Variants in TRIO observed in about 807,000 individuals in gnomAD.
TRIO encodes the protein trio Rho guanine nucleotide exchange factor.
In TRIO, 58 loss-of-function variants were observed where a neutral mutation model predicts 351.9. That is an observed-to-expected ratio of 0.16 (90% confidence interval 0.13 to 0.21). The LOEUF is 0.21. TRIO is among the 10% of genes least tolerant of loss of function. TRIO has a pLI of 1.00. For synonymous variants in TRIO, 1,758 were observed against 1,595.7 expected (o/e 1.10, Z -2.42); for missense variants, 3,201 against 4,027.8 (o/e 0.79, Z 5.56).
At chr5:14,265,751 T>G (rs887618363) in intron 1 of TRIO, among the ~76,000 whole-genome samples, 1 of 152,206 alleles carries the variant, frequency 6.6e-6, no homozygotes, top group Admixed American at 6.5e-5. Flanking sequence ...GTAATTGATT[T>G]GGTCAGTGGG....
chr5:14,287,669 C>G (rs991292846), intron 4 of TRIO, among the ~76,000 whole-genome samples: 1 of 152,166 alleles, frequency 6.6e-6, no homozygotes, highest in East Asian at 1.9e-4. Context: ...AACCTCCTCT[C>G]CTTAAGCTAC....
At chr5:14,454,806 G>A (rs1011790628) in intron 34 of TRIO, among the ~76,000 whole-genome samples, 8 of 152,200 alleles carry the variant, frequency 5.3e-5, no homozygotes, top group Non-Finnish European at 7.3e-5. Context: ...GAATGAAGCC[G>A]TGGATCTTCG....
chr5:14,208,942 T>C (rs901973765), intron 1 of TRIO, among the ~76,000 whole-genome samples: 3 of 152,254 alleles, frequency 2.0e-5, no homozygotes, highest in African/African-American at 7.2e-5. Context: ...TAAAACTGGA[T>C]TGTGATGTTG....
chr5:14,503,724 C>T (rs1042205085), intron 54 of TRIO, among the ~76,000 whole-genome samples: 9 of 152,228 alleles, frequency 5.9e-5, no homozygotes, highest in Non-Finnish European at 1.2e-4. Context: ...TAGCCCCCGC[C>T]TCCGAGTGAC....
chr5:14,346,909 A>T (rs1488650846), intron 11 of TRIO, among the ~76,000 whole-genome samples: 1 of 152,236 alleles, frequency 6.6e-6, no homozygotes, highest in Non-Finnish European at 1.5e-5. Context: ...CAAGCTTCTG[A>T]TAGTAAGACA....
At chr5:14,174,147 G>A (rs574169163) in intron 1 of TRIO, among the ~76,000 whole-genome samples, 2 of 152,202 alleles carry the variant, frequency 1.3e-5, no homozygotes, top group African/African-American at 2.4e-5. Flanking sequence ...CCTTCCACCC[G>A]TGTGGCTGTA....
chr5:14,322,720 G>A (rs1739996098), intron 9 of TRIO, among the ~76,000 whole-genome samples: 1 of 152,180 alleles, frequency 6.6e-6, no homozygotes, highest in African/African-American at 2.4e-5. Flanking sequence ...TCTGATTCCA[G>A]TCATCAGAAT....
chr5:14,417,522 C>T (rs1431046954), intron 33 of TRIO, among the ~76,000 whole-genome samples: 1 of 152,220 alleles, frequency 6.6e-6, no homozygotes, highest in Non-Finnish European at 1.5e-5. Flanking sequence ...TGTGCGGGCT[C>T]CTGGGTCTCT....
At chr5:14,360,121 C>T (rs744048) in intron 13 of TRIO, among the ~76,000 whole-genome samples, 1 of 151,834 alleles carries the variant, frequency 6.6e-6, no homozygotes, top group South Asian at 2.1e-4. Context: ...GACTTGTGGT[C>T]GTAGCATTTT....
intron 34 of TRIO, among the ~76,000 whole-genome samples, chr5:14,456,986 C>T (rs1308253682): frequency 2.0e-5 from 3 of 152,056 alleles, no homozygotes; most frequent in East Asian, 3.8e-4. Context: ...TGTTACATTC[C>T]ATTGATTTAG....
rs529602799 is a variant in TRIO, at chr5:14,456,033, C to T, written c.5204-4986C>T. Among the ~76,000 whole-genome samples the T allele has an allele frequency of 1.2e-4, 18 of 152,344 alleles. No homozygotes were observed. In the East Asian group the frequency reaches 1.5e-3, roughly 13 times the overall value. ...CCGCGGGGAGGTGGCTGAGGCCTGGCGAGAATTCAAGCGCGGTGCGGGCGG... is the reference window on the plus strand; with the variant it reads ...CCGCGGGGAGGTGGCTGAGGCCTGGTGAGAATTCAAGCGCGGTGCGGGCGG... On this transcript the variant is annotated intron_variant, in intron 34 of 56. Coordinates refer to ENST00000344204, the MANE Select transcript of TRIO (RefSeq NM_007118.4).
chr5:14,362,832 T>C (rs1744271550), intron 13 of TRIO, among the ~76,000 whole-genome samples: 9 of 152,190 alleles, frequency 5.9e-5, no homozygotes, highest in Admixed American at 5.9e-4. Flanking sequence ...CAGTTTACTA[T>C]GCGCTGATGA....
intron 33 of TRIO, among the ~76,000 whole-genome samples, chr5:14,409,806 A>G (rs1048958272): frequency 2.1e-5 from 3 of 143,992 alleles, no homozygotes; most frequent in Non-Finnish European, 3.0e-5. Context: ...CTGCACTCCC[A>G]CCTGGGCGAC....
chr5:14,383,464 A>G (rs1418805258), intron 21 of TRIO, among the ~76,000 whole-genome samples: 4 of 152,224 alleles, frequency 2.6e-5, no homozygotes, highest in African/African-American at 9.6e-5. Flanking sequence ...TAAAGTGTAT[A>G]TGAAAGAATT....
intron 34 of TRIO, among the ~76,000 whole-genome samples, chr5:14,438,814 A>T (rs1450473998): frequency 2.0e-5 from 3 of 152,314 alleles, no homozygotes; most frequent in South Asian, 4.1e-4. Flanking sequence ...CTAGTGGCTC[A>T]GGTTGTCGCC....
intron 2 of TRIO, among the ~76,000 whole-genome samples, chr5:14,271,461 C>G (rs1795969806): frequency 6.6e-6 from 1 of 152,148 alleles, no homozygotes; most frequent in Admixed American, 6.5e-5. Flanking sequence ...AGGCCCTGGC[C>G]CGCCCGCAGA....
At chr5:14,488,698 G>A (rs995223811) in intron 48 of TRIO, 2 of 557,180 alleles carry the variant, frequency 3.6e-6, no homozygotes, top group Admixed American at 3.0e-5. Context: ...AATTATCTTT[G>A]CGGCATTTTT....
At position 14,461,905 on chromosome 5, in the gene TRIO, G is replaced by A. The variant is rs562251890; in HGVS notation, c.5496+594G>A. On this transcript the variant is annotated intron_variant, in intron 35 of 56. Transcript: ENST00000344204. ...GTTATTCCCATGTCACCAAAGGTAA[G>A]TGCATGTAGGTCAGCCAGAGATTTT... Among the ~76,000 whole-genome samples, 6 of 152,344 alleles carry A rather than the reference G, an allele frequency of 3.9e-5. No individual in the cohort carries two copies. The South Asian group carries it at 1.2e-3, about 32-fold the overall frequency.
At chr5:14,228,620 T>A (rs978573108) in intron 1 of TRIO, among the ~76,000 whole-genome samples, 3 of 152,250 alleles carry the variant, frequency 2.0e-5, no homozygotes, top group Non-Finnish European at 4.4e-5. Context: ...ATAATTTGTA[T>A]AGGCACAAAT....
Sources: gnomAD v4.1 joint callset for allele counts (sites outside exome capture counted in the v4.1 genomes callset) on GRCh38, gnomAD v4.1.1 for gene constraint, MANE v1.5 for transcripts, NCBI Gene and HGNC (gene_info 2026-07-23, HGNC 2026-07-21) for gene names.